Variants in PGM1 observed in about 807,000 individuals in gnomAD.
The protein encoded by PGM1 is phosphoglucomutase-1.
In PGM1, 52 loss-of-function variants were observed where a neutral mutation model predicts 55.6. That is an observed-to-expected ratio of 0.94 (90% CI 0.75 to 1.18). The LOEUF (loss-of-function observed/expected upper bound fraction) is 1.18. Among genes scored for constraint, PGM1 ranks in the 50% most tolerant of loss-of-function variants. The probability of loss-of-function intolerance (pLI) is 0.00; values close to 1 mark genes in which losing one functional copy is unlikely to be tolerated. For missense variants in PGM1, 724 were observed against 729.3 expected (o/e 0.99, Z 0.08); for synonymous variants, 287 against 271.7 (o/e 1.06, Z -0.55).
intron 7 of PGM1, 90 bp downstream of exon 7, chr1:63,638,890 A>T (rs1649436377): frequency 3.3e-6 from 3 of 909,364 alleles, no homozygotes; most frequent in Admixed American, 1.7e-5. Flanking sequence ...TGAAATACCA[A>T]CGGTAGCCGA....
chr1:63,632,042 C>T (rs758202241), intron 4 of PGM1, among the ~76,000 whole-genome samples: 5 of 152,174 alleles, frequency 3.3e-5, no homozygotes, highest in Non-Finnish European at 5.9e-5. Flanking sequence ...TAACATGCAA[C>T]TGCTGTTGTG....
In PGM1 at chr1:63,651,823, C is replaced by T. The variant is rs766478388; in HGVS notation, c.1435C>T (p.Pro479Ser). Residue 479 changes from proline to serine, a missense_variant, in exon 9 of 11, where the codon CCA becomes TCA. Transcript: ENST00000371084. ...EKADNFEYSDPVDGSISRNQG... is the reference protein window; with the variant it reads ...EKADNFEYSDSVDGSISRNQG... ...GGCCGATAACTTTGAATACAGCGAC[C>T]CAGTGGATGGAAGCATTTCAAGAAA... 1.2e-6 allele frequency: 2 copies of T among 1,613,982 alleles called. No homozygotes were observed. The highest frequency in any genetic ancestry group is 1.7e-6 in the Non-Finnish European group (2 of 1,179,934).
At chr1:63,610,773 G>T (rs530180027) in intron 1 of PGM1, among the ~76,000 whole-genome samples, 1 of 152,174 alleles carries the variant, frequency 6.6e-6, no homozygotes, top group Admixed American at 6.5e-5. Context: ...CACAGAGCCT[G>T]GGGGGAGGGA....
At position 63,654,375 on chromosome 1, in the gene PGM1, G is replaced by A. The variant is rs766482014; in HGVS notation, c.1508G>A (p.Arg503Gln). The A allele has an allele frequency of 1.7e-5, 28 of 1,613,862 alleles. No homozygotes were observed. The highest frequency in any genetic ancestry group is 2.1e-5 in the Non-Finnish European group (25 of 1,179,904). Residue 503 changes from arginine to glutamine, a missense_variant, in exon 10 of 11, where the codon CGA becomes CAA. Arg to Gln is a conservative substitution (Grantham distance 43). Around this residue, in one of 3 missense-constraint regions of PGM1, gnomAD observed 316 missense variants for 313.1 expected, o/e 1.01. Coordinates refer to ENST00000371084, the MANE Select transcript of PGM1 (RefSeq NM_002633.3). ...ACAGATGGTTCTCGAATCGTCTTCC[G>A]ACTGAGCGGCACTGGGAGTGCCGGG... ...IFTDGSRIVF[R>Q]LSGTGSAGAT...
intron 9 of PGM1, 24 bp downstream of exon 9, chr1:63,651,876 TGAGA>T: frequency 1.3e-6 from 2 of 1,595,534 alleles, no homozygotes; most frequent in Non-Finnish European, 1.7e-6. Flanking sequence ...GGTGTGTAAG[TGAGA>T]GAGAGACCTC....
At chr1:63,625,553 A>T (rs1426244109) in intron 1 of PGM1, among the ~76,000 whole-genome samples, 1 of 152,162 alleles carries the variant, frequency 6.6e-6, no homozygotes, top group Non-Finnish European at 1.5e-5. Context: ...CATGCCTTTG[A>T]TTGTGGGTGG....
At chr1:63,657,140 T>C (rs1649989834) in intron 10 of PGM1, among the ~76,000 whole-genome samples, 1 of 152,234 alleles carries the variant, frequency 6.6e-6, no homozygotes, top group African/African-American at 2.4e-5. Context: ...ATAAAATAAA[T>C]AGCATTTGCC....
chr1:63,603,210 C>T (rs1648291448), intron 1 of PGM1, among the ~76,000 whole-genome samples: 1 of 152,238 alleles, frequency 6.6e-6, no homozygotes, highest in Non-Finnish European at 1.5e-5. Flanking sequence ...CTACAACAAA[C>T]CTTTCAGGTG....
At chr1:63,648,431 G>T (rs1649710819) in intron 7 of PGM1, 86 bp from the exon 8 acceptor site, 1 of 1,471,526 alleles carries the variant, frequency 6.8e-7, no homozygotes, top group Non-Finnish European at 9.5e-7. Flanking sequence ...ATTTGGGTGG[G>T]GATGCAGAGC....
rs1385343368 is a variant in PGM1 at position 63,659,830 on chromosome 1, C to A, written c.*155C>A. The A allele has an allele frequency of 1.2e-5, 8 of 689,218 alleles. No individual in the cohort carries two copies. The highest frequency in any genetic ancestry group is 2.0e-5 in the Admixed American group (1 of 48,988). 42.7% of individuals were successfully genotyped at this position (689,218 alleles called of 1,614,324 possible). A position where few individuals can be genotyped will look rare whatever the true frequency, so the allele number is the denominator to read the frequency against. ...CGAGCAGTGCATTTACAAGGCACTG[C>A]CAAACAAGATGCCCTTGGGAGCTGT... On this transcript the variant is annotated 3_prime_UTR_variant, in exon 11 of 11. Transcript: ENST00000371084.
At chr1:63,635,268 T>A (rs1649334141) in intron 5 of PGM1, among the ~76,000 whole-genome samples, 1 of 152,180 alleles carries the variant, frequency 6.6e-6, no homozygotes, top group Non-Finnish European at 1.5e-5. Flanking sequence ...AGGTTCTGAT[T>A]ATGATAGAAT....
At chr1:63,640,868 G>T (rs1483485329) in intron 7 of PGM1, among the ~76,000 whole-genome samples, 2 of 152,224 alleles carry the variant, frequency 1.3e-5, no homozygotes, top group Non-Finnish European at 2.9e-5. Flanking sequence ...CTCTTAGAAG[G>T]TGATGCCCAG....
At chr1:63,647,256 T>TTA (rs1649670948) in intron 7 of PGM1, among the ~76,000 whole-genome samples, 17 of 51,596 alleles carry the variant, frequency 3.3e-4, no homozygotes, top group African/African-American at 6.0e-4. Flanking sequence ...AAATAAAATT[T>TTA]TACATATATA....
chr1:63,603,060 A>G (rs1648287898), intron 1 of PGM1, among the ~76,000 whole-genome samples: 1 of 152,194 alleles, frequency 6.6e-6, no homozygotes, highest in Admixed American at 6.5e-5. Context: ...AGAATTTGGC[A>G]TGTTTAAGAG....
At chr1:63,651,492 C>G (rs563845120) in intron 8 of PGM1, 177 bp from the exon 9 acceptor site, 3 of 611,958 alleles carry the variant, frequency 4.9e-6, no homozygotes, top group Non-Finnish European at 8.8e-6. Flanking sequence ...CCCTTCCTTT[C>G]ATCCCTGGCC....
intron 6 of PGM1, 69 bp from the exon 7 acceptor site, chr1:63,638,615 CT>C: frequency 1.0e-6 from 1 of 983,620 alleles, no homozygotes; most frequent in Non-Finnish European, 1.7e-6. Flanking sequence ...AACGATTGCC[CT>C]TTTCCGTCCC....
In PGM1 at chr1:63,638,181, G is replaced by C. The variant is rs568703038; in HGVS notation, c.1029-504G>C. Among the ~76,000 whole-genome samples the C allele has an allele frequency of 2.6e-5, 4 of 152,314 alleles. No homozygotes were observed. In the East Asian group the frequency reaches 7.7e-4, roughly 29 times the overall value. On this transcript the variant is annotated intron_variant, in intron 6 of 10. Transcript: ENST00000371084. ...CTTCTGATGAGACAAAAGCAGCACT[G>C]ACCAGAGAGCTGAATACTGGGCGGT...
chr1:63,618,475 A>G (rs139280726), intron 1 of PGM1, among the ~76,000 whole-genome samples: 1 of 152,208 alleles, frequency 6.6e-6, no homozygotes, highest in Non-Finnish European at 1.5e-5. Flanking sequence ...CTTTAGATAA[A>G]CTAATATCCC....
rs55760196 is a variant in PGM1, at chr1:63,647,259, CATATATATATATATATATATATATATAT to C, written c.1145-1236_1145-1209del. Among the ~76,000 whole-genome samples the C allele has an allele frequency of 1.1e-3, 62 of 55,424 alleles. 2 individuals carry two copies. Among genetic ancestry groups the C allele is most frequent in the Middle Eastern group, 0.013 (1 of 80 alleles). 36.4% of individuals were successfully genotyped at this position (55,424 alleles called of 152,430 possible). A position where few individuals can be genotyped will look rare whatever the true frequency, so the allele number is the denominator to read the frequency against. On this transcript the variant is annotated intron_variant, in intron 7 of 10. Coordinates refer to ENST00000371084, the MANE Select transcript of PGM1 (RefSeq NM_002633.3). ...CTCCGTCTCAAAAAATAAAATTTTA[CATATATATATATATATATATATATATAT>C]ATATATATATATATATATATAGTAT... is the stretch of plus-strand genomic sequence containing the variant.
Sources: allele counts gnomAD v4.1 joint callset (sites outside exome capture counted in the v4.1 genomes callset), GRCh38; gene constraint gnomAD v4.1.1; regional missense constraint gnomAD v4.1.1; transcripts MANE v1.5; gene names NCBI Gene and HGNC (gene_info 2026-07-23, HGNC 2026-07-21).